The following GPR176 variants were observed in gnomAD, a reference collection of about 807,000 sequenced individuals.
GPR176 encodes G protein-coupled receptor 176, also known as G-protein coupled receptor 176.
A neutral mutation model predicts 35.4 loss-of-function variants in GPR176; 26 were observed. The observed-to-expected ratio is 0.74, with a 90% CI of 0.54 to 1.02. The LOEUF (loss-of-function observed/expected upper bound fraction) is 1.02. Ranked by LOEUF, GPR176 falls within the 50% of genes least tolerant of loss-of-function variation. The probability of loss-of-function intolerance (pLI) is 0.00; values close to 1 mark genes in which losing one functional copy is unlikely to be tolerated. For synonymous variants in GPR176, 278 were observed against 271.3 expected, an observed-to-expected ratio of 1.02 and a Z score of -0.24; for missense variants, 597 against 665.3, an observed-to-expected ratio of 0.90 and a Z score of 1.13.
At chr15:39,808,804 T>C (rs1022169238) in intron 1 of GPR176, among the ~76,000 whole-genome samples, 6 of 152,208 alleles carry the variant, frequency 3.9e-5, no homozygotes, top group African/African-American at 1.2e-4. Flanking sequence ...TTTTGTAGTA[T>C]GTATGTCATG....
intron 1 of GPR176, chr15:39,813,117 C>T (rs932017779): frequency 2.0e-5 from 3 of 152,162 alleles, no homozygotes; most frequent in Non-Finnish European, 2.9e-5. Flanking sequence ...TGTTGTCATA[C>T]ATTTTACTTT....
At chr15:39,806,081 T>C (rs1899173525) in intron 2 of GPR176, among the ~76,000 whole-genome samples, 1 of 152,186 alleles carries the variant, frequency 6.6e-6, no homozygotes, top group Admixed American at 6.5e-5. Context: ...TATAGATGGG[T>C]TCTACAATCA....
At chr15:39,904,827 A>T (rs780124731) in intron 1 of GPR176, among the ~76,000 whole-genome samples, 3 of 152,232 alleles carry the variant, frequency 2.0e-5, no homozygotes, top group African/African-American at 7.2e-5. Context: ...TGTCCAAGAC[A>T]GTCACCTGCA....
intron 1 of GPR176, among the ~76,000 whole-genome samples, chr15:39,872,979 A>G (rs1447843447): frequency 6.6e-6 from 1 of 150,674 alleles, no homozygotes; most frequent in Non-Finnish European, 1.5e-5. Flanking sequence ...TCATGAGAGT[A>G]ATAGAATCCA....
chr15:39,911,110 T>C (rs1595525475), intron 1 of GPR176, among the ~76,000 whole-genome samples: 1 of 151,944 alleles, frequency 6.6e-6, no homozygotes. Flanking sequence ...TTAACATTTG[T>C]TATTTCTGAG....
intron 1 of GPR176, among the ~76,000 whole-genome samples, chr15:39,834,660 TAA>T (rs1901284878): frequency 6.6e-6 from 1 of 152,208 alleles, no homozygotes; most frequent in East Asian, 1.9e-4. Flanking sequence ...GTCATTATGT[TAA>T]GTGAAGTAAT....
intron 1 of GPR176, among the ~76,000 whole-genome samples, chr15:39,867,434 C>T (rs1218294092): frequency 6.6e-6 from 1 of 152,108 alleles, no homozygotes; most frequent in Non-Finnish European, 1.5e-5. Context: ...CAGAGAAGGA[C>T]ATCGGGAAAT....
At chr15:39,872,667 C>T (rs1421308182) in intron 1 of GPR176, among the ~76,000 whole-genome samples, 2 of 152,084 alleles carry the variant, frequency 1.3e-5, no homozygotes, top group Non-Finnish European at 2.9e-5. Context: ...TCAGCAACTG[C>T]TTCTAGGGAT....
chr15:39,850,026 G>A (rs548293790), intron 1 of GPR176, among the ~76,000 whole-genome samples: 8 of 152,188 alleles, frequency 5.3e-5, no homozygotes, highest in Non-Finnish European at 7.4e-5. Context: ...GAAAAGGTAT[G>A]GTAAAAATAT....
Position 39,895,353 on chromosome 15 carries a change from C to CGT in GPR176, c.172+24501_172+24502insAC, listed in dbSNP as rs571511802. Reference sequence around the variant, plus strand: ...CTTGCTTCTCCCACCAGCCAATACACATGCAACTGAAACACACATTGAATT... The same window carrying CGT: ...CTTGCTTCTCCCACCAGCCAATACACGTATGCAACTGAAACACACATTGAATT... On this transcript the variant is annotated intron_variant, in intron 1 of 2. Transcript: ENST00000561100. Among the ~76,000 whole-genome samples the CGT allele has an allele frequency of 2.4e-4, 37 of 151,998 alleles. No individual in the cohort carries two copies. The South Asian group carries it at 7.1e-3, about 29-fold the overall frequency.
intron 1 of GPR176, among the ~76,000 whole-genome samples, chr15:39,811,608 T>C (rs575594678): frequency 6.6e-6 from 1 of 152,254 alleles, no homozygotes; most frequent in South Asian, 2.1e-4. Flanking sequence ...CATTTGAGCA[T>C]CATGTTGGTG....
intron 1 of GPR176, among the ~76,000 whole-genome samples, chr15:39,847,603 CATGGTA>C (rs2030526449): frequency 6.6e-6 from 1 of 151,882 alleles, no homozygotes; most frequent in African/African-American, 2.4e-5. Flanking sequence ...ATTAGCCAGG[CATGGTA>C]GCATGTGCCT....
intron 1 of GPR176, chr15:39,829,425 G>T: frequency 1.0e-6 from 1 of 954,940 alleles, no homozygotes; most frequent in Non-Finnish European, 1.3e-6. Flanking sequence ...GAGGTTGCAG[G>T]ATCTACAGGG....
rs74008938 is a variant in GPR176, at chr15:39,843,811, T to G, written c.173-36553A>C. The stretch of plus-strand genomic sequence containing the variant: ...GTGGGAATTTATCCCACTTTCAGAA[T>G]GCAGGCAACAAGTGCTATCTTCTTT... On this transcript the variant is annotated intron_variant, in intron 1 of 2. Coordinates refer to ENST00000561100, the MANE Select transcript of GPR176 (RefSeq NM_007223.3). Among the ~76,000 whole-genome samples the G allele has an allele frequency of 4.4e-3, 677 of 152,308 alleles. 2 individuals are homozygous for G. Among genetic ancestry groups the G allele is most frequent in the Middle Eastern group, 0.014 (4 of 294 alleles).
intron 1 of GPR176, among the ~76,000 whole-genome samples, chr15:39,841,614 G>A (rs1382171600): frequency 6.6e-6 from 1 of 152,108 alleles, no homozygotes; most frequent in African/African-American, 2.4e-5. Flanking sequence ...CAGAAGTGAG[G>A]AATGGGCAAG....
intron 1 of GPR176, among the ~76,000 whole-genome samples, chr15:39,847,965 A>C (rs1293373217): frequency 6.6e-6 from 1 of 152,068 alleles, no homozygotes; most frequent in Non-Finnish European, 1.5e-5. Context: ...GGAGGCAGGC[A>C]CATCTTTACA....
intron 1 of GPR176, among the ~76,000 whole-genome samples, chr15:39,843,341 A>G (rs1300312700): frequency 6.6e-6 from 1 of 152,154 alleles, no homozygotes; most frequent in Non-Finnish European, 1.5e-5. Flanking sequence ...TTTCAAAGGT[A>G]ACTTATAATC....
intron 1 of GPR176, among the ~76,000 whole-genome samples, chr15:39,867,328 A>G (rs2031869076): frequency 6.6e-6 from 1 of 151,760 alleles, no homozygotes; most frequent in African/African-American, 2.4e-5. Context: ...GACCACAGAA[A>G]AGGAAAACTG....
rs771396303 is a variant in GPR176 at position 39,801,312 on chromosome 15, C to G, written c.1368G>C (p.Gly456=). The change falls in exon 3 of 3, where the codon GGG becomes GGC. Residue 456 remains glycine, a synonymous_variant. Coordinates refer to ENST00000561100, the MANE Select transcript of GPR176 (RefSeq NM_007223.3). ...PDKYSLQFGF[G]PFELPPQWLS... is the part of the protein sequence containing the mutation. The stretch of plus-strand genomic sequence containing the variant: ...GCCACTGAGGAGGCAACTCAAAAGG[C>G]CCAAAGCCAAACTGCAGGGAATACT... 2 of 1,614,156 alleles carry G rather than the reference C, an allele frequency of 1.2e-6. No homozygotes were observed. Among genetic ancestry groups the G allele is most frequent in the Admixed American group, 1.7e-5 (1 of 60,028 alleles).
Sources: allele counts gnomAD v4.1 joint callset (sites outside exome capture counted in the v4.1 genomes callset), GRCh38; gene constraint gnomAD v4.1.1; transcripts MANE v1.5; gene names NCBI Gene and HGNC (gene_info 2026-07-23, HGNC 2026-07-21).